TENM1: variants seen among roughly 807,000 people sequenced by gnomAD.
TENM1 encodes the protein teneurin-1.
A neutral mutation model predicts 174.8 loss-of-function variants in TENM1; 35 were observed. The ratio of observed to expected loss-of-function variants is 0.20; its 90% CI spans 0.15 to 0.27. TENM1 has a LOEUF of 0.27. TENM1 is among the 10% of genes least tolerant of loss of function. TENM1 has a pLI of 1.00. For missense variants in TENM1, 1,633 were observed against 2,130.1 expected (o/e 0.77, Z 4.59); for synonymous variants, 781 against 798.7 (o/e 0.98, Z 0.37).
At chrX:124,893,789 A>AT (rs72203337) in intron 3 of TENM1, among the ~76,000 whole-genome samples, 9 of 110,024 alleles carry the variant, frequency 8.2e-5, no homozygotes, top group Non-Finnish European at 1.1e-4. Context: ...GAGAATGAAC[A>AT]TTTTTTTTTC....
intron 1 of TENM1, among the ~76,000 whole-genome samples, chrX:124,917,446 G>T (rs748971361): frequency 3.6e-5 from 4 of 111,788 alleles, no homozygotes; most frequent in South Asian, 7.6e-4. Context: ...TCAGGATCAG[G>T]TCTCTGCTAA....
chrX:124,864,140 C>A (rs1305168762), intron 3 of TENM1, among the ~76,000 whole-genome samples: 1 of 111,925 alleles, frequency 8.9e-6, no homozygotes, highest in Non-Finnish European at 1.9e-5. Flanking sequence ...CAAATAAACC[C>A]AGACAGTGAA....
chrX:124,558,065 C>T (rs745661998), intron 14 of TENM1, among the ~76,000 whole-genome samples: 1 of 111,982 alleles, frequency 8.9e-6, no homozygotes, highest in Non-Finnish European at 1.9e-5. Context: ...CTTGTATATA[C>T]AATACATAAG....
At chrX:124,991,753 G>A in the TENM1 span, among the ~76,000 whole-genome samples, 1 of 110,275 alleles carries the variant, frequency 9.1e-6, no homozygotes, top group Admixed American at 9.7e-5. Flanking sequence ...CCCCATTCCT[G>A]AACCTGGGAC....
chrX:124,776,224 TGA>T (rs1164779109), intron 3 of TENM1, among the ~76,000 whole-genome samples: 1 of 111,642 alleles, frequency 9.0e-6, no homozygotes, highest in Non-Finnish European at 1.9e-5. Flanking sequence ...GAAAGAATTA[TGA>T]GAGGATGTAC....
At chrX:125,158,358 AT>A in the TENM1 span, among the ~76,000 whole-genome samples, 2 of 96,920 alleles carry the variant, frequency 2.1e-5, no homozygotes, top group African/African-American at 3.8e-5. Flanking sequence ...AGCCAAGATC[AT>A]GCCACTGCAG....
intron 18 of TENM1, among the ~76,000 whole-genome samples, chrX:124,508,530 C>A (rs1475357122): frequency 8.9e-6 from 1 of 112,134 alleles, no homozygotes; most frequent in African/African-American, 3.2e-5. Context: ...GACTTAAGAT[C>A]TTTACCCTAT....
At chrX:124,583,446 C>A (rs938157646) in intron 11 of TENM1, among the ~76,000 whole-genome samples, 8 of 112,098 alleles carry the variant, frequency 7.1e-5, no homozygotes, top group African/African-American at 2.6e-4. Context: ...GGACCTCTAG[C>A]AAACTCCAAC....
At chrX:124,758,525 C>G (rs1416173898) in intron 3 of TENM1, among the ~76,000 whole-genome samples, 1 of 110,988 alleles carries the variant, frequency 9.0e-6, no homozygotes, top group Admixed American at 9.6e-5. Context: ...ATCCAGCAAC[C>G]CTATTAAAGA....
chrX:124,380,701 C>T, exon 32 of TENM1: 4 of 1,211,524 alleles, frequency 3.3e-6, no homozygotes, highest in Non-Finnish European at 4.5e-6. Context: ...CCCTAATCCC[C>T]TCTTCCCCCT....
intron 4 of TENM1, among the ~76,000 whole-genome samples, chrX:124,706,954 T>TC (rs2052920862): frequency 9.5e-6 from 1 of 104,910 alleles, no homozygotes; most frequent in African/African-American, 3.5e-5. Flanking sequence ...ATCTTTTTTT[T>TC]TTTTTTTTTT....
intron 11 of TENM1, among the ~76,000 whole-genome samples, chrX:124,635,786 C>A (rs1211855159): frequency 8.9e-6 from 1 of 112,282 alleles, no homozygotes; most frequent in African/African-American, 3.2e-5. Context: ...AGGGCCAATA[C>A]CCTTAGAATA....
At chrX:124,714,074 C>CCAGG (rs2053124649) in intron 4 of TENM1, among the ~76,000 whole-genome samples, 1 of 111,656 alleles carries the variant, frequency 9.0e-6, no homozygotes, top group African/African-American at 3.3e-5. Flanking sequence ...CTATTATGTG[C>CCAGG]CAGGTACTCT....
the TENM1 span, among the ~76,000 whole-genome samples, chrX:125,157,608 G>A: frequency 8.9e-6 from 1 of 112,038 alleles, no homozygotes; most frequent in Non-Finnish European, 1.9e-5. Flanking sequence ...ATAAGTCGAT[G>A]TGGTGGGAAC....
chrX:125,200,800 G>A, the TENM1 span, among the ~76,000 whole-genome samples: 1 of 110,741 alleles, frequency 9.0e-6, no homozygotes, highest in African/African-American at 3.3e-5. Flanking sequence ...ATAAATAAAT[G>A]CATAAATAAT....
chrX:124,625,619 T>C (rs893709171), intron 11 of TENM1, among the ~76,000 whole-genome samples: 4 of 111,106 alleles, frequency 3.6e-5, no homozygotes, highest in Non-Finnish European at 7.5e-5. Context: ...GGAAGAATAG[T>C]GGCTTCTGCT....
chrX:124,642,143 A>C, intron 10 of TENM1, 152 bp from the exon 14 acceptor site: 1 of 479,595 alleles, frequency 2.1e-6, no homozygotes, highest in Non-Finnish European at 3.7e-6. Flanking sequence ...TCATGCAAAC[A>C]CTCTGTCCAA....
the TENM1 span, among the ~76,000 whole-genome samples, chrX:124,981,956 T>TAAAAAAAAAAA: frequency 3.7e-5 from 1 of 26,715 alleles, no homozygotes. Flanking sequence ...TAGAGTATAA[T>TAAAAAAAAAAA]AAAAAAAAAA....
At chrX:124,696,989 A>G (rs2052666095) in intron 5 of TENM1, among the ~76,000 whole-genome samples, 1 of 111,177 alleles carries the variant, frequency 9.0e-6, no homozygotes, top group South Asian at 3.8e-4. Flanking sequence ...TATTCTATGT[A>G]TATATGCTAG....
Sources: allele counts gnomAD v4.1 joint callset (sites outside exome capture counted in the v4.1 genomes callset), GRCh38; gene constraint gnomAD v4.1.1; transcripts MANE v1.5; gene names NCBI Gene and HGNC (gene_info 2026-07-23, HGNC 2026-07-21).